The following CACNA2D1 variants were observed in gnomAD, a reference collection of about 807,000 sequenced individuals.
The protein encoded by CACNA2D1 is voltage-dependent calcium channel subunit alpha-2/delta-1.
Under a neutral mutation model 171.5 loss-of-function variants are expected in CACNA2D1, and 53 were observed. The observed-to-expected ratio is 0.31, with a 90% CI of 0.25 to 0.39. The LOEUF is 0.39. Ranked by LOEUF, CACNA2D1 falls within the 10% of genes least tolerant of loss-of-function variation. CACNA2D1 has a pLI of 1.00. For missense variants in CACNA2D1, 903 were observed against 1,299.8 expected, an observed-to-expected ratio of 0.69 and a Z score of 4.69; for synonymous variants, 442 against 443.1, an observed-to-expected ratio of 1.00 and a Z score of 0.03.
intron 5 of CACNA2D1, among the ~76,000 whole-genome samples, chr7:82,134,463 AAAC>A (rs1240991996): frequency 2.6e-5 from 4 of 152,176 alleles, no homozygotes; most frequent in Non-Finnish European, 4.4e-5. Context: ...AGTTTGCACG[AAAC>A]AACACTCTTT....
intron 20 of CACNA2D1, 119 bp from the exon 21 acceptor site, chr7:81,991,365 G>T: frequency 3.1e-6 from 2 of 649,780 alleles, no homozygotes; most frequent in Non-Finnish European, 5.6e-6. Flanking sequence ...TCTTTACAAA[G>T]GTATGATCTA....
intron 6 of CACNA2D1, among the ~76,000 whole-genome samples, chr7:82,115,758 C>A (rs1245152062): frequency 2.0e-5 from 3 of 151,018 alleles, no homozygotes; most frequent in Non-Finnish European, 2.9e-5. Flanking sequence ...AAAAAAAGCT[C>A]ATATACAATG....
chr7:82,378,978 TGTGTGTGTG>T (rs1823357945), intron 1 of CACNA2D1, among the ~76,000 whole-genome samples: 1 of 148,274 alleles, frequency 6.7e-6, no homozygotes. Flanking sequence ...TGTGTGTGTG[TGTGTGTGTG>T]TTATACTCGG....
chr7:82,193,817 A>G (rs1425087639), intron 3 of CACNA2D1, among the ~76,000 whole-genome samples: 3 of 152,044 alleles, frequency 2.0e-5, no homozygotes, highest in Non-Finnish European at 4.4e-5. Flanking sequence ...CTGCTTTACA[A>G]CCTGAAAATT....
chr7:82,414,455 G>T (rs1374320499), intron 1 of CACNA2D1, among the ~76,000 whole-genome samples: 1 of 152,152 alleles, frequency 6.6e-6, no homozygotes, highest in Non-Finnish European at 1.5e-5. Context: ...AAGGAAACAT[G>T]AAACAAACGT....
chr7:82,002,695 G>A lies in CACNA2D1; in HGVS notation c.1590+2728C>T, dbSNP rs974715883. 7.0e-4 allele frequency among the ~76,000 whole-genome samples: 106 copies of A among 151,878 alleles called. 1 individual carries two copies. Among genetic ancestry groups the A allele is most frequent in the Admixed American group, 3.9e-4 (6 of 15,252 alleles). On this transcript the variant is annotated intron_variant, in intron 18 of 38. Transcript: ENST00000356860. ...CCTGGCTACTTCAATGACACAAAACGGAAGAAAGTTAAAATCCATTTTGGA... is the reference window on the plus strand; with the variant it reads ...CCTGGCTACTTCAATGACACAAAACAGAAGAAAGTTAAAATCCATTTTGGA...
At chr7:82,314,829 T>C (rs1814911674) in intron 3 of CACNA2D1, among the ~76,000 whole-genome samples, 1 of 151,936 alleles carries the variant, frequency 6.6e-6, no homozygotes, top group Non-Finnish European at 1.5e-5. Context: ...CCAATGAAAA[T>C]GTGATAATTC....
At chr7:82,366,225 T>C (rs1479956283) in intron 1 of CACNA2D1, among the ~76,000 whole-genome samples, 1 of 151,906 alleles carries the variant, frequency 6.6e-6, no homozygotes, top group Non-Finnish European at 1.5e-5. Context: ...TAATATAATG[T>C]CAACTTTTGT....
chr7:82,260,836 AC>A (rs1366136864), intron 3 of CACNA2D1, among the ~76,000 whole-genome samples: 1 of 152,190 alleles, frequency 6.6e-6, no homozygotes, highest in Non-Finnish European at 1.5e-5. Context: ...GACTCAACAA[AC>A]TTAAATGGTT....
chr7:82,012,319 A>T, intron 14 of CACNA2D1, 76 bp from the exon 15 acceptor site: 2 of 787,880 alleles, frequency 2.5e-6, no homozygotes, highest in Non-Finnish European at 4.4e-6. Context: ...ACAGAGAAAA[A>T]ATATTCTAGA....
At chr7:82,057,434 A>G (rs375908052) in intron 10 of CACNA2D1, among the ~76,000 whole-genome samples, 20 of 152,226 alleles carry the variant, frequency 1.3e-4, no homozygotes, top group African/African-American at 4.8e-4. Context: ...CTGCTTTCCA[A>G]GTGTGTATGT....
At chr7:82,052,716 G>A (rs531211835) in intron 10 of CACNA2D1, among the ~76,000 whole-genome samples, 1 of 152,236 alleles carries the variant, frequency 6.6e-6, no homozygotes, top group South Asian at 2.1e-4. Flanking sequence ...AAGAGCAAAA[G>A]ATACACGGTA....
intron 1 of CACNA2D1, among the ~76,000 whole-genome samples, chr7:82,399,891 T>C (rs534082818): frequency 1.3e-5 from 2 of 152,284 alleles, no homozygotes; most frequent in East Asian, 3.9e-4. Flanking sequence ...TTCAAATTCT[T>C]CCAGATTTCC....
intron 1 of CACNA2D1, among the ~76,000 whole-genome samples, chr7:82,360,285 A>G (rs1820948423): frequency 1.3e-5 from 2 of 152,186 alleles, no homozygotes; most frequent in South Asian, 4.1e-4. Flanking sequence ...CTTTCTTTAC[A>G]TGGCAAGAAA....
chr7:82,442,340 T>C (rs1442315138), intron 1 of CACNA2D1, among the ~76,000 whole-genome samples: 1 of 152,184 alleles, frequency 6.6e-6, no homozygotes, highest in Non-Finnish European at 1.5e-5. Context: ...TTTTGTTATG[T>C]AAAATGCATT....
chr7:82,305,875 G>C (rs1326812717), intron 3 of CACNA2D1, among the ~76,000 whole-genome samples: 1 of 152,132 alleles, frequency 6.6e-6, no homozygotes, highest in African/African-American at 2.4e-5. Flanking sequence ...GCAGTCGAGG[G>C]AACTCAGAAT....
rs1461285742 is a variant in CACNA2D1 at position 82,005,797 on chromosome 7, C to G, written c.1483G>C (p.Glu495Gln). 2 of 1,608,984 alleles carry G rather than the reference C, an allele frequency of 1.2e-6. No homozygotes were observed. Among genetic ancestry groups the G allele is most frequent in the Non-Finnish European group, 1.7e-6 (2 of 1,175,672 alleles). Reference protein sequence around the residue: ...LGVMGVDVSLEDIKRLTPRFT... With the variant: ...LGVMGVDVSLQDIKRLTPRFT... Reference sequence around the variant, plus strand: ...CGTGGTGTCAGTCTTTTAATATCTTCCAAAGACACATCTACTCCCATCACA... The same window carrying G: ...CGTGGTGTCAGTCTTTTAATATCTTGCAAAGACACATCTACTCCCATCACA... Residue 495 changes from glutamate to glutamine, a missense_variant, in exon 17 of 39, where the codon GAA (glutamate) becomes CAA (glutamine). Physicochemically the swap from Glu to Gln is conservative, Grantham distance 29 (BLOSUM62 2). This residue lies in a region of CACNA2D1 where 623 missense variants were observed against 925.5 expected (regional missense o/e 0.67). Transcript: ENST00000356860.
At chr7:82,435,092 G>A (rs1471473587) in intron 1 of CACNA2D1, among the ~76,000 whole-genome samples, 2 of 130,774 alleles carry the variant, frequency 1.5e-5, no homozygotes, top group African/African-American at 5.8e-5. Flanking sequence ...CTGGAATGCA[G>A]TGGCACAATC....
intron 3 of CACNA2D1, among the ~76,000 whole-genome samples, chr7:82,325,558 T>C (rs901455112): frequency 1.3e-5 from 2 of 152,106 alleles, no homozygotes; most frequent in African/African-American, 2.4e-5. Flanking sequence ...GCTAAGATTA[T>C]TGAGATGCCA....
Sources: allele counts gnomAD v4.1 joint callset (sites outside exome capture counted in the v4.1 genomes callset), GRCh38; gene constraint gnomAD v4.1.1; regional missense constraint gnomAD v4.1.1; transcripts MANE v1.5; gene names NCBI Gene and HGNC (gene_info 2026-07-23, HGNC 2026-07-21).